COL6A2: variants seen among roughly 807,000 people sequenced by gnomAD.
COL6A2 encodes the protein collagen alpha-2(VI) chain.
A neutral mutation model predicts 124.9 loss-of-function variants in COL6A2; 90 were observed. The observed-to-expected ratio is 0.72, with a 90% CI of 0.61 to 0.86. The LOEUF (loss-of-function observed/expected upper bound fraction) is 0.86. Among genes scored for constraint, COL6A2 ranks in the 40% least tolerant of loss-of-function variants. The pLI, the probability that COL6A2 is intolerant of heterozygous loss-of-function variation, is 0.00. For synonymous variants in COL6A2, 793 were observed against 618.2 expected (o/e 1.28, Z -4.19); for missense variants, 1,607 against 1,502.5 (o/e 1.07, Z -1.15).
chr21:46,126,504 C>G lies in COL6A2; in HGVS notation c.2424C>G (p.Asp808Glu), dbSNP rs771205165. ...CCCGGCCTCTCTCCTCTCTTCCAGACCCTCAGATCGTGTGCCCAGACCTTC... is the reference window on the plus strand; with the variant it reads ...CCCGGCCTCTCTCCTCTCTTCCAGAGCCTCAGATCGTGTGCCCAGACCTTC... The part of the protein sequence containing the change: ...IDDMEDVLCP[D>E]PQIVCPDLPC... Residue 808 changes from aspartate to glutamate, a missense_variant and splice_region_variant, in exon 27 of 28, where the codon GAC (aspartate) becomes GAG (glutamate). By Grantham distance (45) the Asp-to-Glu change is conservative. Around this residue, in one of 3 missense-constraint regions of COL6A2, gnomAD observed 1,223 missense variants for 1,052.2 expected, o/e 1.16. Transcript: ENST00000300527. 1 of 1,613,342 alleles carries G rather than the reference C, an allele frequency of 6.2e-7. No individual in the cohort carries two copies. The highest frequency in any genetic ancestry group is 1.1e-5 in the South Asian group (1 of 91,080).
intron 21 of COL6A2, 52 bp from the exon 22 acceptor site, chr21:46,124,599 C>T (rs2078630246): frequency 6.3e-7 from 1 of 1,577,890 alleles, no homozygotes; most frequent in African/African-American, 1.3e-5. Flanking sequence ...CTGCTGTGTG[C>T]AGGGACTGTC....
At position 46,116,923 on chromosome 21, in the gene COL6A2, G is replaced by GCAAACA; in HGVS notation, c.999+111_999+112insAACACA. 1.6e-6 allele frequency: 1 copy of GCAAACA among 643,326 alleles called. No homozygotes were observed. The highest frequency in any genetic ancestry group is 2.5e-6 in the Non-Finnish European group (1 of 401,798). The allele number at this position is 643,326 out of a possible 1,614,324, so 39.9% of individuals were successfully genotyped here. ...TGTCAGCTTACACATGTGTACACACGCATACACACACACACACACACACAC... is the reference window on the plus strand; with the variant it reads ...TGTCAGCTTACACATGTGTACACACGCAAACACATACACACACACACACACACACAC... On this transcript the variant is annotated intron_variant, in intron 10 of 27. Coordinates refer to ENST00000300527, the MANE Select transcript of COL6A2 (RefSeq NM_001849.4). This position sits in a 1 kb window ranked among gnomAD's most constrained non-coding sequence, Gnocchi z 4.6.
rs1394729186 is a variant in COL6A2, at chr21:46,131,834, G to A, written c.2462-120G>A. The A allele has an allele frequency of 4.1e-5, 39 of 961,848 alleles. No individual in the cohort carries two copies. In the Middle Eastern group the frequency reaches 9.3e-4, roughly 23 times the overall value. 59.6% of individuals were successfully genotyped at this position (961,848 alleles called of 1,614,324 possible). A position where few individuals can be genotyped will look rare whatever the true frequency, so the allele number is the denominator to read the frequency against. ...TGCCCTGCAGAAACGCCCCCGCAGAGCCCAGTGGTCTGTGAGGTTGCAGGC... is the reference window on the plus strand; with the variant it reads ...TGCCCTGCAGAAACGCCCCCGCAGAACCCAGTGGTCTGTGAGGTTGCAGGC... On this transcript the variant is annotated intron_variant, in intron 27 of 27. Coordinates refer to ENST00000300527, the MANE Select transcript of COL6A2 (RefSeq NM_001849.4).
intron 5 of COL6A2, among the ~76,000 whole-genome samples, chr21:46,115,253 G>A (rs921159233): frequency 6.6e-6 from 1 of 152,228 alleles, no homozygotes; most frequent in Non-Finnish European, 1.5e-5. Context: ...GCACAGCTGT[G>A]ATGTTCCAGA....
intron 12 of COL6A2, 37 bp downstream of exon 12, chr21:46,117,973 C>T (rs1180166889): frequency 1.3e-6 from 2 of 1,588,506 alleles, no homozygotes; most frequent in Admixed American, 1.7e-5. Context: ...CAGGCGGGGT[C>T]ACCAGCTTCC....
At chr21:46,121,427 C>A in intron 17 of COL6A2, 129 bp from the exon 18 acceptor site, 1 of 916,128 alleles carries the variant, frequency 1.1e-6, no homozygotes, top group Non-Finnish European at 1.8e-6. Flanking sequence ...GTCCACGGCC[C>A]CCACAGGCAG....
chr21:46,120,092 C>CCA (rs577960511), intron 15 of COL6A2, among the ~76,000 whole-genome samples: 190 of 84,496 alleles, frequency 2.2e-3, no homozygotes, highest in East Asian at 5.5e-3. Flanking sequence ...CATTCACCCC[C>CCA]GGCCCACTGA....
chr21:46,121,726 G>A, intron 18 of COL6A2, 108 bp downstream of exon 18: 1 of 1,105,210 alleles, frequency 9.0e-7, no homozygotes, highest in Non-Finnish European at 1.4e-6. Flanking sequence ...ACGTGCCTCA[G>A]GACGGGCCTG....
In COL6A2 at chr21:46,112,023, T is replaced by G; in HGVS notation, c.160T>G (p.Ser54Ala). 1 of 1,612,734 alleles carries G rather than the reference T, an allele frequency of 6.2e-7. No homozygotes were observed. Residue 54 changes from serine (S) to alanine (A), a missense_variant, in exon 3 of 28, where the codon TCG becomes GCG. By Grantham distance (99) the Ser-to-Ala change is moderately conservative. Coordinates refer to ENST00000300527, the MANE Select transcript of COL6A2 (RefSeq NM_001849.4). ...PIHVYFVLDT[S>A]ESVTMQSPTD... The stretch of plus-strand genomic sequence containing the variant: ...CCACGTGTACTTCGTGCTGGACACC[T>G]CGGAGAGCGTCACCATGCAGTCCCC...
chr21:46,122,752 C>T (rs1419044923), intron 20 of COL6A2, 123 bp from the exon 21 acceptor site: 6 of 1,102,880 alleles, frequency 5.4e-6, no homozygotes, highest in Non-Finnish European at 8.2e-6. Flanking sequence ...AAAAAAACCA[C>T]ATAGATGCTC....
Position 46,126,484 on chromosome 21 carries a change from C to T in COL6A2, c.2423-19C>T, listed in dbSNP as rs1304541325. 3.1e-6 allele frequency: 5 copies of T among 1,612,876 alleles called. No individual in the cohort carries two copies. Among genetic ancestry groups the T allele is most frequent in the East Asian group, 2.2e-5 (1 of 44,834 alleles). On this transcript the variant is annotated intron_variant, in intron 26 of 27. Coordinates refer to ENST00000300527, the MANE Select transcript of COL6A2 (RefSeq NM_001849.4). ...AGGGACTGACCCTGGCCTGGCCCGGCCTCTCTCCTCTCTTCCAGACCCTCA... is the reference window on the plus strand; with the variant it reads ...AGGGACTGACCCTGGCCTGGCCCGGTCTCTCTCCTCTCTTCCAGACCCTCA...
Position 46,117,468 on chromosome 21 carries a change from C to T in COL6A2, c.1053+15C>T, listed in dbSNP as rs1601228449. 2.5e-6 allele frequency: 4 copies of T among 1,612,218 alleles called. 1 individual carries two copies. The South Asian group carries it at 3.3e-5, about 13-fold the overall frequency. On this transcript the variant is annotated intron_variant, in intron 11 of 27. Coordinates refer to ENST00000300527, the MANE Select transcript of COL6A2 (RefSeq NM_001849.4). ...CTGGAAACCGGGTAAGGGCCGTTTGCACCCCTCCTTCAGCCTCGGCCCAGG... is the reference window on the plus strand; with the variant it reads ...CTGGAAACCGGGTAAGGGCCGTTTGTACCCCTCCTTCAGCCTCGGCCCAGG...
chr21:46,119,148 C>G (rs766619663), intron 14 of COL6A2, 29 bp downstream of exon 14: 1 of 1,557,496 alleles, frequency 6.4e-7, no homozygotes, highest in Non-Finnish European at 8.8e-7. Context: ...TGCCTCAGGG[C>G]CCCGCTCTGG....
At position 46,132,578 on chromosome 21, in the gene COL6A2, A is replaced by C. The variant is rs1291309564; in HGVS notation, c.*26A>C. 1.3e-6 allele frequency: 2 copies of C among 1,564,488 alleles called. No homozygotes were observed. The highest frequency in any genetic ancestry group is 2.3e-5 in the South Asian group (2 of 87,096). Reference sequence around the variant, plus strand: ...CGCCGCCGCCCGGGCCCCGCAGTCGAGGGTCGTGAGCCCACCCCGTCCATG... The same window carrying C: ...CGCCGCCGCCCGGGCCCCGCAGTCGCGGGTCGTGAGCCCACCCCGTCCATG... On this transcript the variant is annotated 3_prime_UTR_variant, in exon 28 of 28. Transcript: ENST00000300527.
intron 27 of COL6A2, among the ~76,000 whole-genome samples, chr21:46,130,645 C>G (rs1210422799): frequency 6.6e-6 from 1 of 152,210 alleles, no homozygotes; most frequent in African/African-American, 2.4e-5. Flanking sequence ...CCCACAGACA[C>G]TGATGAATGG....
At position 46,114,000 on chromosome 21, in the gene COL6A2, C is replaced by T. The variant is rs2078437862; in HGVS notation, c.736-8C>T. 1.6e-5 allele frequency: 26 copies of T among 1,613,306 alleles called. No individual in the cohort carries two copies. The highest frequency in any genetic ancestry group is 2.1e-5 in the Non-Finnish European group (25 of 1,179,520). On this transcript the variant is annotated splice_region_variant and splice_polypyrimidine_tract_variant and intron_variant, in intron 4 of 27. Transcript: ENST00000300527. ...ATGCAACCTTCTGTCTCTGCTTCCT[C>T]GTTTCAGTGCTACAAGGTGAGCTGC...
intron 4 of COL6A2, chr21:46,113,788 C>T: frequency 3.2e-6 from 2 of 621,210 alleles, no homozygotes; most frequent in Non-Finnish European, 5.8e-6. Context: ...GCCTAGAACA[C>T]CTGACCGAGA....
intron 21 of COL6A2, among the ~76,000 whole-genome samples, chr21:46,123,640 GATGGATAA>G (rs1461741667): frequency 3.3e-5 from 5 of 151,712 alleles, no homozygotes; most frequent in Non-Finnish European, 7.4e-5. Flanking sequence ...TGGGTGGGTG[GATGGATAA>G]GTGGATACAT....
rs1345870090 is a variant in COL6A2, at chr21:46,099,889, C to CGTTTTTTTTT, written c.-28+1716_-28+1717insGTTTTTTTTT. On this transcript the variant is annotated intron_variant, in intron 1 of 27. Coordinates refer to ENST00000300527, the MANE Select transcript of COL6A2 (RefSeq NM_001849.4). ...TCTCCACAATGGATAGCAGCACTGTCTTTTTTTTTTTTTTTTTTTTTTTCT... is the reference window on the plus strand; with the variant it reads ...TCTCCACAATGGATAGCAGCACTGTCGTTTTTTTTTTTTTTTTTTTTTTTTTTTTTTTTCT... Among the ~76,000 whole-genome samples the CGTTTTTTTTT allele has an allele frequency of 1.5e-4, 14 of 91,830 alleles. 1 individual carries two copies. The highest frequency in any genetic ancestry group is 1.9e-4 in the Non-Finnish European group (9 of 47,654). The allele number at this position is 91,830 out of a possible 152,430, so 60.2% of individuals were successfully genotyped here.
Sources: allele counts gnomAD v4.1 joint callset (sites outside exome capture counted in the v4.1 genomes callset), GRCh38; gene constraint gnomAD v4.1.1; regional missense constraint gnomAD v4.1.1; non-coding constraint Gnocchi (gnomAD v3.1); transcripts MANE v1.5; gene names NCBI Gene and HGNC (gene_info 2026-07-23, HGNC 2026-07-21).